The following OSBPL10 variants were observed in gnomAD, a reference collection of about 807,000 sequenced individuals.
The protein encoded by OSBPL10 is oxysterol binding protein like 10, also known as oxysterol-binding protein-related protein 10.
OSBPL10 carries 49 observed loss-of-function variants against 81.7 expected under a neutral mutation model. The ratio of observed to expected loss-of-function variants is 0.60; its 90% CI spans 0.48 to 0.76. OSBPL10 has a LOEUF of 0.76. Among genes scored for constraint, OSBPL10 ranks in the 30% least tolerant of loss-of-function variants. The pLI is 0.00. For synonymous variants in OSBPL10, 419 were observed against 383.6 expected (o/e 1.09, Z -1.08); for missense variants, 923 against 987.8 (o/e 0.93, Z 0.88).
intron 1 of OSBPL10, among the ~76,000 whole-genome samples, chr3:31,937,479 A>T (rs186087816): frequency 1.3e-5 from 2 of 152,142 alleles, no homozygotes; most frequent in East Asian, 3.9e-4. Context: ...GCACTTCTCA[A>T]ATTGCTTCCA....
chr3:31,876,549 A>G (rs373671500), intron 2 of OSBPL10, 37 bp from the exon 3 acceptor site: 27 of 1,558,492 alleles, frequency 1.7e-5, no homozygotes, highest in Non-Finnish European at 2.3e-5. Context: ...ATGATTGCAG[A>G]GATTGTTCCA....
chr3:32,024,536 G>A (rs1699386640), intron 2 of OSBPL10, among the ~76,000 whole-genome samples: 2 of 143,674 alleles, frequency 1.4e-5, no homozygotes, highest in Admixed American at 7.2e-5. Flanking sequence ...TGTCCCTCAG[G>A]CTGGAGTGCG....
intron 3 of OSBPL10, among the ~76,000 whole-genome samples, chr3:31,852,586 T>TGTTC (rs1700798393): frequency 6.6e-6 from 1 of 151,824 alleles, no homozygotes. Context: ...TTTGTTTGTT[T>TGTTC]GTTTGTTTTG....
chr3:31,707,041 T>C (rs1426839813), intron 6 of OSBPL10, among the ~76,000 whole-genome samples: 4 of 151,674 alleles, frequency 2.6e-5, no homozygotes. Context: ...CAGTTTGATC[T>C]ACTAACATCT....
intron 11 of OSBPL10, chr3:31,663,716 T>C (rs993670471): frequency 4.8e-5 from 55 of 1,136,122 alleles, no homozygotes; most frequent in Non-Finnish European, 5.9e-5. Context: ...CTCAACTAAT[T>C]TGTTACTAAA....
chr3:31,736,718 A>C (rs1435094733), intron 5 of OSBPL10, among the ~76,000 whole-genome samples: 2 of 152,242 alleles, frequency 1.3e-5, no homozygotes, highest in Non-Finnish European at 2.9e-5. Flanking sequence ...TGGGCAACAC[A>C]GTGAGACCCT....
chr3:31,829,662 G>A (rs1396532239), intron 4 of OSBPL10, among the ~76,000 whole-genome samples: 1 of 152,138 alleles, frequency 6.6e-6, no homozygotes, highest in Non-Finnish European at 1.5e-5. Context: ...AAAACAGGGG[G>A]TATCTGCGTT....
chr3:31,783,627 C>T (rs540679759), intron 4 of OSBPL10, among the ~76,000 whole-genome samples: 4 of 148,464 alleles, frequency 2.7e-5, no homozygotes, highest in African/African-American at 9.9e-5. Context: ...CCCGTCTCTA[C>T]TAAAAATACA....
intron 1 of OSBPL10, among the ~76,000 whole-genome samples, chr3:31,884,673 G>T (rs1443067777): frequency 1.3e-5 from 2 of 152,174 alleles, no homozygotes; most frequent in Non-Finnish European, 2.9e-5. Flanking sequence ...AAAGTAAACC[G>T]TATTTCTGGA....
At chr3:31,681,330 G>T (rs1017093939) in intron 8 of OSBPL10, among the ~76,000 whole-genome samples, 2 of 152,208 alleles carry the variant, frequency 1.3e-5, no homozygotes, top group African/African-American at 4.8e-5. Context: ...GCAAGAGGGG[G>T]AGCAGCGCTT....
chr3:31,972,084 G>T (rs1167996226), intron 1 of OSBPL10, among the ~76,000 whole-genome samples: 1 of 152,168 alleles, frequency 6.6e-6, no homozygotes, highest in African/African-American at 2.4e-5. Context: ...CTCACTCAGG[G>T]CTTAGAAAGT....
intron 6 of OSBPL10, among the ~76,000 whole-genome samples, chr3:31,706,220 T>C (rs1474030887): frequency 6.6e-6 from 1 of 152,160 alleles, no homozygotes; most frequent in African/African-American, 2.4e-5. Context: ...TTTAGGGACA[T>C]TCCCTGGTGA....
intron 1 of OSBPL10, among the ~76,000 whole-genome samples, chr3:31,886,963 CCA>C (rs1230079069): frequency 6.6e-6 from 1 of 151,854 alleles, no homozygotes; most frequent in Non-Finnish European, 1.5e-5. Context: ...AAACCCTTCT[CCA>C]TGTGGGATAG....
In OSBPL10 at chr3:31,747,764, G is replaced by C. The variant is rs1014695344; in HGVS notation, c.940+146C>G. The C allele has an allele frequency of 1.0e-5, 8 of 801,012 alleles. No individual in the cohort carries two copies. The Admixed American group carries it at 1.8e-4, about 18-fold the overall frequency. 49.6% of individuals were successfully genotyped at this position (801,012 alleles called of 1,614,324 possible). A position where few individuals can be genotyped will look rare whatever the true frequency, so the allele number is the denominator to read the frequency against. ...ACATAAAAATATATCCCAAACAGTA[G>C]AGACGAAGGGCAGTAGAAATACTTG... is the stretch of plus-strand genomic sequence containing the variant. On this transcript the variant is annotated intron_variant, in intron 5 of 11. Coordinates refer to ENST00000396556, the MANE Select transcript of OSBPL10 (RefSeq NM_017784.5).
intron 4 of OSBPL10, among the ~76,000 whole-genome samples, chr3:31,792,750 T>A (rs1167297151): frequency 1.8e-5 from 2 of 111,624 alleles, no homozygotes; most frequent in African/African-American, 1.3e-4. Context: ...AGTGTGTGTG[T>A]GTGTGTGTGT....
chr3:31,662,677 G>A, intron 11 of OSBPL10: 1 of 985,604 alleles, frequency 1.0e-6, no homozygotes, highest in Non-Finnish European at 1.2e-6. Context: ...CTGGTGTTCA[G>A]ATGACTCTTA....
chr3:31,903,571 T>A (rs1308755514), intron 1 of OSBPL10, among the ~76,000 whole-genome samples: 2 of 152,054 alleles, frequency 1.3e-5, no homozygotes, highest in Non-Finnish European at 2.9e-5. Flanking sequence ...ACTCAAACAA[T>A]CCTCCCACCT....
rs199607094 is a variant in OSBPL10 at position 31,855,201 on chromosome 3, T to C, written c.537+21232A>G. Reference sequence around the variant, plus strand: ...CACCCTGGCTAATTTTTAAGTTTTTTTGTGCACACAAGGTCTTGCTATGTT... The same window carrying C: ...CACCCTGGCTAATTTTTAAGTTTTTCTGTGCACACAAGGTCTTGCTATGTT... On this transcript the variant is annotated intron_variant, in intron 3 of 11. Transcript: ENST00000396556. 4.5e-3 allele frequency among the ~76,000 whole-genome samples: 678 copies of C among 152,038 alleles called. 9 individuals are homozygous for C. The highest frequency in any genetic ancestry group is 0.038 in the South Asian group (180 of 4,794).
intron 7 of OSBPL10, among the ~76,000 whole-genome samples, chr3:31,686,815 C>G (rs1700802964): frequency 6.6e-6 from 1 of 152,118 alleles, no homozygotes; most frequent in South Asian, 2.1e-4. Flanking sequence ...ATTCAGCAAC[C>G]ATCACTGTGC....
Sources: gnomAD v4.1 joint callset for allele counts (sites outside exome capture counted in the v4.1 genomes callset) on GRCh38, gnomAD v4.1.1 for gene constraint, MANE v1.5 for transcripts, NCBI Gene and HGNC (gene_info 2026-07-23, HGNC 2026-07-21) for gene names.